CHUK: variants seen among roughly 807,000 people sequenced by gnomAD.
CHUK encodes the protein component of inhibitor of nuclear factor kappa B kinase complex, also known as inhibitor of nuclear factor kappa-B kinase subunit alpha.
A neutral mutation model predicts 104.8 loss-of-function variants in CHUK; 35 were observed. The ratio of observed to expected loss-of-function variants is 0.33; its 90% CI spans 0.26 to 0.44. CHUK has a LOEUF of 0.44. Among genes scored for constraint, CHUK ranks in the 20% least tolerant of loss-of-function variants. The pLI, the probability that CHUK is intolerant of heterozygous loss-of-function variation, is 1.00. For missense variants in CHUK, 663 were observed against 902.7 expected, an observed-to-expected ratio of 0.73 and a Z score of 3.40; for synonymous variants, 276 against 291.9, an observed-to-expected ratio of 0.95 and a Z score of 0.56.
chr10:100,193,706 A>C (rs1845257728), intron 18 of CHUK: 1 of 593,080 alleles, frequency 1.7e-6, no homozygotes, highest in African/African-American at 1.9e-5. Context: ...GGTCAATTTC[A>C]TTATCTAGGC....
At chr10:100,215,086 T>C (rs1845821449) in intron 9 of CHUK, among the ~76,000 whole-genome samples, 1 of 151,836 alleles carries the variant, frequency 6.6e-6, no homozygotes. Context: ...AATATAAAAA[T>C]TAGCTGGACA....
intron 16 of CHUK, among the ~76,000 whole-genome samples, chr10:100,198,411 G>A (rs1845386386): frequency 6.6e-6 from 1 of 152,192 alleles, no homozygotes; most frequent in Non-Finnish European, 1.5e-5. Context: ...ACATTTGTAA[G>A]TGAAACTGTC....
intron 9 of CHUK, 80 bp downstream of exon 9, chr10:100,217,914 TA>T: frequency 1.5e-6 from 2 of 1,303,320 alleles, no homozygotes; most frequent in South Asian, 2.4e-5. Flanking sequence ...AAAAGATTAT[TA>T]AACTGTATTT....
chr10:100,209,156 G>A (rs1845662039), intron 10 of CHUK, among the ~76,000 whole-genome samples: 1 of 152,196 alleles, frequency 6.6e-6, no homozygotes, highest in African/African-American at 2.4e-5. Context: ...TATGTCTTTA[G>A]ATGAATGCAA....
At chr10:100,202,181 AAATAGCCATATCTTTAATTAC>A in intron 13 of CHUK, 32 bp from the exon 14 acceptor site, 1 of 1,435,682 alleles carries the variant, frequency 7.0e-7, no homozygotes, top group Non-Finnish European at 9.8e-7. Flanking sequence ...GTTATCTCAG[AAATAGCCATATCTTTAATTAC>A]TGGCTGCCTG....
At chr10:100,220,704 A>C in intron 4 of CHUK, 28 bp from the exon 5 acceptor site, 1 of 1,392,158 alleles carries the variant, frequency 7.2e-7, no homozygotes, top group Non-Finnish European at 1.0e-6. Flanking sequence ...TATACTTTAA[A>C]GTAACAGAAA....
At chr10:100,213,376 C>T (rs1012649630) in intron 9 of CHUK, among the ~76,000 whole-genome samples, 3 of 151,382 alleles carry the variant, frequency 2.0e-5, no homozygotes, top group Admixed American at 6.6e-5. Context: ...TCCAACTACG[C>T]GGGAGGCTGA....
At chr10:100,211,481 C>T (rs1482335363) in intron 9 of CHUK, among the ~76,000 whole-genome samples, 3 of 152,036 alleles carry the variant, frequency 2.0e-5, no homozygotes, top group Non-Finnish European at 4.4e-5. Context: ...CTACATACAC[C>T]CCCGCACCCG....
chr10:100,205,903 G>A (rs1442020807), intron 11 of CHUK, among the ~76,000 whole-genome samples: 1 of 152,142 alleles, frequency 6.6e-6, no homozygotes, highest in Non-Finnish European at 1.5e-5. Context: ...ACTCCAGCCT[G>A]GGCGACAAGA....
intron 10 of CHUK, among the ~76,000 whole-genome samples, chr10:100,208,661 TATA>T (rs1296478763): frequency 6.6e-6 from 1 of 151,936 alleles, no homozygotes; most frequent in African/African-American, 2.4e-5. Flanking sequence ...GGTGGGCACC[TATA>T]ATCCCAGCTA....
intron 19 of CHUK, among the ~76,000 whole-genome samples, chr10:100,191,549 A>G (rs1252689144): frequency 6.6e-6 from 1 of 152,234 alleles, no homozygotes; most frequent in Admixed American, 6.5e-5. Flanking sequence ...CCCAGAACCA[A>G]GAAGTATCCC....
intron 4 of CHUK, among the ~76,000 whole-genome samples, 155 bp from the exon 5 acceptor site, chr10:100,220,831 C>A (rs17880360): frequency 2.2e-3 from 341 of 151,990 alleles, no homozygotes; most frequent in African/African-American, 7.2e-3. Context: ...GTTTTCTTCA[C>A]AGAAAAAAAA....
intron 9 of CHUK, among the ~76,000 whole-genome samples, chr10:100,213,292 C>G (rs1025740604): frequency 7.9e-5 from 12 of 152,092 alleles, no homozygotes; most frequent in Admixed American, 5.9e-4. Flanking sequence ...AACATCCTGG[C>G]CAACATGGCA....
chr10:100,204,085 C>A (rs1166210305), intron 13 of CHUK, among the ~76,000 whole-genome samples: 1 of 152,172 alleles, frequency 6.6e-6, no homozygotes, highest in African/African-American at 2.4e-5. Flanking sequence ...AACAGGAAGG[C>A]TCTACTCTCA....
chr10:100,227,480 T>C (rs1039809744), intron 1 of CHUK, among the ~76,000 whole-genome samples: 5 of 151,368 alleles, frequency 3.3e-5, no homozygotes, highest in Non-Finnish European at 7.4e-5. Context: ...CCTTTTTCCT[T>C]ATGACCAGGC....
At chr10:100,227,826 A>C (rs1414790504) in intron 1 of CHUK, among the ~76,000 whole-genome samples, 1 of 151,994 alleles carries the variant, frequency 6.6e-6, no homozygotes, top group African/African-American at 2.4e-5. Flanking sequence ...TTCTCACTAC[A>C]CCCATGTTCC....
At chr10:100,196,388 T>G (rs547710761) in intron 16 of CHUK, among the ~76,000 whole-genome samples, 306 of 149,638 alleles carry the variant, frequency 2.0e-3, no homozygotes, top group African/African-American at 7.1e-3. Flanking sequence ...GCTCTGGGTT[T>G]TTTTTTTTTT....
At position 100,194,124 on chromosome 10, in the gene CHUK, A is replaced by C; in HGVS notation, c.1834T>G (p.Leu612Val). The C allele has an allele frequency of 6.2e-7, 1 of 1,613,488 alleles. No individual in the cohort carries two copies. Among genetic ancestry groups the C allele is most frequent in the Non-Finnish European group, 8.5e-7 (1 of 1,179,930 alleles). Residue 612 changes from leucine to valine, a missense_variant, in exon 18 of 21, where the codon TTG becomes GTG. Leu to Val is a conservative substitution (Grantham distance 32). This residue lies in a region of CHUK where 311 missense variants were observed against 393.4 expected (regional missense o/e 0.79). Coordinates refer to ENST00000370397, the MANE Select transcript of CHUK (RefSeq NM_001278.5). ...KELFGHLSKL[L>V]GCKQKIIDLL... Reference sequence around the variant, plus strand: ...TCAATAATCTTCTGCTTACAGCCCAACAACTTGCTGGAGAGATTAAATCAG... The same window carrying C: ...TCAATAATCTTCTGCTTACAGCCCACCAACTTGCTGGAGAGATTAAATCAG...
At chr10:100,194,818 C>T (rs1845287264) in intron 16 of CHUK, 2 of 216,728 alleles carry the variant, frequency 9.2e-6, no homozygotes, top group African/African-American at 4.7e-5. Context: ...CCCATACTAA[C>T]CCAAGCCCTA....
Sources: allele counts gnomAD v4.1 joint callset (sites outside exome capture counted in the v4.1 genomes callset), GRCh38; gene constraint gnomAD v4.1.1; regional missense constraint gnomAD v4.1.1; transcripts MANE v1.5; gene names NCBI Gene and HGNC (gene_info 2026-07-23, HGNC 2026-07-21).